Variants in CCSER1 observed in about 807,000 individuals in gnomAD.
CCSER1 encodes serine-rich coiled-coil domain-containing protein 1.
CCSER1 carries 41 observed loss-of-function variants against 82.0 expected under a neutral mutation model. The ratio of observed to expected loss-of-function variants is 0.50; its 90% CI spans 0.39 to 0.65. The LOEUF is 0.65. Among genes scored for constraint, CCSER1 ranks in the 30% least tolerant of loss-of-function variants. The pLI is 0.00. For missense variants in CCSER1, 1,119 were observed against 1,064.2 expected, an observed-to-expected ratio of 1.05 and a Z score of -0.72; for synonymous variants, 414 against 383.9, an observed-to-expected ratio of 1.08 and a Z score of -0.92.
chr4:90,281,438 T>G (rs72659489), intron 1 of CCSER1, among the ~76,000 whole-genome samples: 18 of 152,094 alleles, frequency 1.2e-4, no homozygotes, highest in Non-Finnish European at 2.6e-4. Flanking sequence ...CCCCATGACA[T>G]GCAGTTTATC....
At chr4:91,161,900 C>T (rs553597535) in intron 10 of CCSER1, among the ~76,000 whole-genome samples, 31 of 152,198 alleles carry the variant, frequency 2.0e-4, no homozygotes, top group Admixed American at 4.6e-4. Context: ...ATTTGACTTC[C>T]TCTTTTGCTA....
intron 7 of CCSER1, among the ~76,000 whole-genome samples, chr4:90,749,952 T>TCTCCA (rs1748298702): frequency 6.6e-6 from 1 of 152,054 alleles, no homozygotes; most frequent in Admixed American, 6.6e-5. Flanking sequence ...CTCCAGCACC[T>TCTCCA]GTTGTTTCCT....
Position 91,195,550 on chromosome 4 carries a change from ATTGGT to A in CCSER1, c.2217+109559_2217+109563del, listed in dbSNP as rs1471656213. On this transcript the variant is annotated intron_variant, in intron 10 of 10. Transcript: ENST00000509176. ...AATTCGCAATTAACTGATGGAAGGA[ATTGGT>A]TTCATGAGACGCTGTATTCTGAAAT... 4.0e-4 allele frequency among the ~76,000 whole-genome samples: 61 copies of A among 152,140 alleles called. 1 individual carries two copies. Among genetic ancestry groups the A allele is most frequent in the African/African-American group, 1.4e-3 (59 of 41,426 alleles).
chr4:90,268,726 T>G (rs544287875), intron 1 of CCSER1, among the ~76,000 whole-genome samples: 1 of 151,960 alleles, frequency 6.6e-6, no homozygotes, highest in South Asian at 2.1e-4. Context: ...TGTAAATGGA[T>G]TACATGCACC....
At chr4:91,127,405 C>A (rs2148901841) in intron 10 of CCSER1, among the ~76,000 whole-genome samples, 1 of 152,150 alleles carries the variant, frequency 6.6e-6, no homozygotes, top group African/African-American at 2.4e-5. Context: ...GTTTGTCATT[C>A]TGCTGCAGGT....
intron 9 of CCSER1, among the ~76,000 whole-genome samples, chr4:90,958,962 A>T (rs1733793106): frequency 6.6e-6 from 1 of 152,198 alleles, no homozygotes; most frequent in Admixed American, 6.5e-5. Flanking sequence ...TCTCATGCAA[A>T]TTTAAAATGA....
chr4:91,472,551 A>C (rs1757341840), intron 10 of CCSER1, among the ~76,000 whole-genome samples: 3 of 152,092 alleles, frequency 2.0e-5, no homozygotes, highest in African/African-American at 7.2e-5. Context: ...GAATTGTTTT[A>C]TTTTGCTCAT....
chr4:91,364,844 C>T (rs901966175), intron 10 of CCSER1, among the ~76,000 whole-genome samples: 3 of 151,930 alleles, frequency 2.0e-5, no homozygotes, highest in African/African-American at 7.2e-5. Context: ...TTTAATTTTT[C>T]CAGCTATTAC....
chr4:91,478,252 A>T (rs968207797), intron 10 of CCSER1, among the ~76,000 whole-genome samples: 2 of 151,944 alleles, frequency 1.3e-5, no homozygotes, highest in Admixed American at 1.3e-4. Context: ...ACTGTAAATT[A>T]GAACTATTCA....
At chr4:90,310,793 T>A (rs1026942726) in intron 2 of CCSER1, among the ~76,000 whole-genome samples, 1 of 152,104 alleles carries the variant, frequency 6.6e-6, no homozygotes, top group Non-Finnish European at 1.5e-5. Flanking sequence ...TGTGACATAA[T>A]GTCACGAGTA....
chr4:91,165,428 A>G (rs1340562642), intron 10 of CCSER1, among the ~76,000 whole-genome samples: 3 of 152,186 alleles, frequency 2.0e-5, no homozygotes, highest in African/African-American at 7.2e-5. Context: ...TTAGAGCTCA[A>G]ACACTGAGCT....
At chr4:91,110,434 T>C (rs1726000462) in intron 10 of CCSER1, among the ~76,000 whole-genome samples, 1 of 152,086 alleles carries the variant, frequency 6.6e-6, no homozygotes, top group Non-Finnish European at 1.5e-5. Context: ...CTGTTGTTTC[T>C]GTTACTTCAC....
intron 10 of CCSER1, among the ~76,000 whole-genome samples, chr4:91,464,524 G>T (rs1461084668): frequency 6.6e-6 from 1 of 152,148 alleles, no homozygotes; most frequent in African/African-American, 2.4e-5. Context: ...AAATGTAAAT[G>T]GGCTAAATGC....
At chr4:90,134,390 C>G (rs1723305296) in intron 1 of CCSER1, among the ~76,000 whole-genome samples, 1 of 152,162 alleles carries the variant, frequency 6.6e-6, no homozygotes, top group Non-Finnish European at 1.5e-5. Context: ...TCACTGAGGA[C>G]TTGGAGATGG....
chr4:91,573,067 G>T (rs972643874), intron 10 of CCSER1, among the ~76,000 whole-genome samples: 2 of 152,194 alleles, frequency 1.3e-5, no homozygotes, highest in Non-Finnish European at 2.9e-5. Flanking sequence ...TCCCAGTGAG[G>T]TGGAACGGGA....
chr4:91,460,818 A>G (rs1013505055), intron 10 of CCSER1, among the ~76,000 whole-genome samples: 1 of 152,170 alleles, frequency 6.6e-6, no homozygotes, highest in African/African-American at 2.4e-5. Flanking sequence ...CTTGTATGCT[A>G]CAGAGAAGGA....
At chr4:91,494,379 G>A (rs1342251427) in intron 10 of CCSER1, among the ~76,000 whole-genome samples, 1 of 151,620 alleles carries the variant, frequency 6.6e-6, no homozygotes, top group Non-Finnish European at 1.5e-5. Context: ...TTCAAATACG[G>A]TTCATAATGA....
intron 10 of CCSER1, among the ~76,000 whole-genome samples, chr4:91,092,647 C>T (rs1402748514): frequency 6.6e-6 from 1 of 152,200 alleles, no homozygotes; most frequent in Non-Finnish European, 1.5e-5. Flanking sequence ...TCATGTACAG[C>T]CAGCATGACT....
chr4:90,871,125 A>T (rs1297045356), intron 8 of CCSER1, among the ~76,000 whole-genome samples: 1 of 143,050 alleles, frequency 7.0e-6, no homozygotes. Flanking sequence ...TCAAAAAATT[A>T]ACTTTTCATT....
Sources: gnomAD v4.1 joint callset for allele counts (sites outside exome capture counted in the v4.1 genomes callset) on GRCh38, gnomAD v4.1.1 for gene constraint, MANE v1.5 for transcripts, NCBI Gene and HGNC (gene_info 2026-07-23, HGNC 2026-07-21) for gene names.